The following MPPED2 variants were observed in gnomAD, a reference collection of about 807,000 sequenced individuals.
MPPED2 encodes metallophosphoesterase MPPED2.
Under a neutral mutation model 33.0 loss-of-function variants are expected in MPPED2, and 5 were observed. The observed-to-expected ratio is 0.15, with a 90% confidence interval of 0.08 to 0.32. The LOEUF is 0.32. Ranked by LOEUF, MPPED2 falls within the 10% of genes least tolerant of loss-of-function variation. MPPED2 has a pLI of 1.00. For missense variants in MPPED2, 275 were observed against 372.1 expected, an observed-to-expected ratio of 0.74 and a Z score of 2.15; for synonymous variants, 136 against 141.9, an observed-to-expected ratio of 0.96 and a Z score of 0.29.
At chr11:30,508,918 T>G (rs1459721859) in intron 3 of MPPED2, among the ~76,000 whole-genome samples, 1 of 152,192 alleles carries the variant, frequency 6.6e-6, no homozygotes, top group Non-Finnish European at 1.5e-5. Flanking sequence ...TCGAACTATA[T>G]TCTATTCATC....
chr11:30,440,982 G>T lies in MPPED2; in HGVS notation c.537-23349C>A, dbSNP rs148638901. Reference sequence around the variant, plus strand: ...AGTTAAAGAGGTGTCTTTACTGCAGGACTTCTCAGAGCCTTTAGTACATTG... The same window carrying T: ...AGTTAAAGAGGTGTCTTTACTGCAGTACTTCTCAGAGCCTTTAGTACATTG... On this transcript the variant is annotated intron_variant, in intron 4 of 6. Transcript: ENST00000358117. Among the ~76,000 whole-genome samples the T allele has an allele frequency of 4.6e-3, 707 of 152,234 alleles. 6 individuals carry two copies. The highest frequency in any genetic ancestry group is 0.016 in the African/African-American group (660 of 41,532).
At chr11:30,401,185 G>A (rs1183689305) in intron 6 of MPPED2, among the ~76,000 whole-genome samples, 1 of 152,218 alleles carries the variant, frequency 6.6e-6, no homozygotes, top group Non-Finnish European at 1.5e-5. Flanking sequence ...GATTGTGACT[G>A]TGTGTTATAG....
chr11:30,510,247 T>A lies in MPPED2; in HGVS notation c.311-14726A>T, dbSNP rs73457722. 7.3e-3 allele frequency among the ~76,000 whole-genome samples: 1,117 copies of A among 152,296 alleles called. 15 individuals carry two copies. Among genetic ancestry groups the A allele is most frequent in the African/African-American group, 0.025 (1,057 of 41,562 alleles). ...AGCATCTATTTAGCCATCTTAAACA[T>A]GAGCTTAAGCCAGGGAGTAATTTAA... On this transcript the variant is annotated intron_variant, in intron 3 of 6. Transcript: ENST00000358117.
intron 3 of MPPED2, among the ~76,000 whole-genome samples, chr11:30,511,667 T>G (rs1293591960): frequency 3.3e-5 from 5 of 152,188 alleles, no homozygotes; most frequent in African/African-American, 9.7e-5. Flanking sequence ...TAGAACAGTA[T>G]AGCAAGCACA....
intron 4 of MPPED2, among the ~76,000 whole-genome samples, chr11:30,450,810 G>T (rs1057051390): frequency 2.0e-5 from 3 of 152,134 alleles, no homozygotes; most frequent in Admixed American, 1.3e-4. Context: ...ACTCTGTATC[G>T]GGTACAGATA....
At chr11:30,397,147 A>G (rs1352051188) in intron 6 of MPPED2, among the ~76,000 whole-genome samples, 1 of 152,186 alleles carries the variant, frequency 6.6e-6, no homozygotes, top group Non-Finnish European at 1.5e-5. Context: ...GAAATAAACT[A>G]ATGTAATTAA....
intron 2 of MPPED2, among the ~76,000 whole-genome samples, chr11:30,536,498 G>A (rs1002055987): frequency 1.3e-5 from 2 of 152,158 alleles, no homozygotes; most frequent in African/African-American, 4.8e-5. Context: ...AACCTCAACT[G>A]GGGAAGCAAA....
At chr11:30,434,567 A>G (rs138445081) in intron 4 of MPPED2, among the ~76,000 whole-genome samples, 1 of 152,360 alleles carries the variant, frequency 6.6e-6, no homozygotes, top group East Asian at 1.9e-4. Flanking sequence ...TTTCATATTA[A>G]TACAAGCTTG....
intron 3 of MPPED2, among the ~76,000 whole-genome samples, chr11:30,501,128 T>C (rs1034610354): frequency 6.6e-6 from 1 of 152,152 alleles, no homozygotes; most frequent in East Asian, 1.9e-4. Flanking sequence ...ACCTGCACAG[T>C]TTCTGACACT....
At chr11:30,511,201 A>C (rs1953164884) in intron 3 of MPPED2, among the ~76,000 whole-genome samples, 1 of 152,178 alleles carries the variant, frequency 6.6e-6, no homozygotes, top group African/African-American at 2.4e-5. Flanking sequence ...AATGCCATGA[A>C]ATGACCACAG....
At chr11:30,524,513 C>A (rs1323546424) in intron 3 of MPPED2, among the ~76,000 whole-genome samples, 2 of 152,126 alleles carry the variant, frequency 1.3e-5, no homozygotes, top group African/African-American at 2.4e-5. Context: ...AAGTCTTCAT[C>A]AGTAAAAATG....
chr11:30,517,057 A>G (rs1003970871), intron 3 of MPPED2, among the ~76,000 whole-genome samples: 17 of 152,346 alleles, frequency 1.1e-4, no homozygotes, highest in Admixed American at 8.5e-4. Context: ...AATAGTCAGG[A>G]CACGCCAACC....
intron 4 of MPPED2, among the ~76,000 whole-genome samples, chr11:30,431,068 C>T (rs547815295): frequency 1.4e-4 from 22 of 152,196 alleles, no homozygotes; most frequent in African/African-American, 4.6e-4. Flanking sequence ...CTAAGTTTTC[C>T]GAAGCTAAGA....
At chr11:30,533,855 A>G (rs538768747) in intron 3 of MPPED2, among the ~76,000 whole-genome samples, 1 of 152,288 alleles carries the variant, frequency 6.6e-6, no homozygotes, top group Admixed American at 6.5e-5. Flanking sequence ...TTCCTTAGTT[A>G]TGACACATTT....
intron 3 of MPPED2, among the ~76,000 whole-genome samples, chr11:30,496,628 T>A (rs1178384248): frequency 7.0e-6 from 1 of 143,506 alleles, no homozygotes; most frequent in Non-Finnish European, 1.5e-5. Context: ...GATACACTTG[T>A]TGTAAGAACT....
At chr11:30,535,504 C>T (rs1954762629) in intron 3 of MPPED2, among the ~76,000 whole-genome samples, 2 of 152,136 alleles carry the variant, frequency 1.3e-5, no homozygotes, top group Admixed American at 6.6e-5. Flanking sequence ...GAACACCCTC[C>T]AGCTCACTTA....
At chr11:30,517,902 T>C (rs1436783965) in intron 3 of MPPED2, among the ~76,000 whole-genome samples, 2 of 152,162 alleles carry the variant, frequency 1.3e-5, no homozygotes, top group Non-Finnish European at 2.9e-5. Flanking sequence ...CTCTGATACC[T>C]TATACTATGA....
chr11:30,480,612 A>G (rs977845942), intron 4 of MPPED2, among the ~76,000 whole-genome samples: 3 of 152,124 alleles, frequency 2.0e-5, no homozygotes, highest in Non-Finnish European at 4.4e-5. Context: ...TGGAGTTTTG[A>G]GACTTTGCTC....
intron 4 of MPPED2, among the ~76,000 whole-genome samples, chr11:30,466,869 T>C (rs186087686): frequency 6.6e-6 from 1 of 152,192 alleles, no homozygotes; most frequent in African/African-American, 2.4e-5. Context: ...CCAACTCTGG[T>C]AACAACGGGA....
Sources: allele counts gnomAD v4.1 joint callset (sites outside exome capture counted in the v4.1 genomes callset), GRCh38; gene constraint gnomAD v4.1.1; transcripts MANE v1.5; gene names NCBI Gene and HGNC (gene_info 2026-07-23, HGNC 2026-07-21).